DPP10: variants seen among roughly 807,000 people sequenced by gnomAD.
DPP10 encodes the protein dipeptidyl peptidase like 10, also known as inactive dipeptidyl peptidase 10.
A neutral mutation model predicts 120.9 loss-of-function variants in DPP10; 33 were observed. The observed-to-expected ratio is 0.27, with a 90% CI of 0.21 to 0.37. DPP10 has a LOEUF of 0.37. Among genes scored for constraint, DPP10 ranks in the 10% least tolerant of loss-of-function variants. The pLI is 1.00. For missense variants in DPP10, 816 were observed against 942.8 expected, an observed-to-expected ratio of 0.87 and a Z score of 1.76; for synonymous variants, 337 against 326.1, an observed-to-expected ratio of 1.03 and a Z score of -0.36.
chr2:115,330,597 G>A (rs1434919965), intron 2 of DPP10, among the ~76,000 whole-genome samples: 1 of 151,958 alleles, frequency 6.6e-6, no homozygotes, highest in South Asian at 2.1e-4. Flanking sequence ...AATCCATCTT[G>A]AATTAATTTT....
At chr2:115,363,327 A>G (rs1420031294) in intron 3 of DPP10, among the ~76,000 whole-genome samples, 1 of 152,188 alleles carries the variant, frequency 6.6e-6, no homozygotes, top group African/African-American at 2.4e-5. Context: ...ATTATATTTA[A>G]AAGATTTAAA....
intron 1 of DPP10, among the ~76,000 whole-genome samples, chr2:115,040,255 A>G (rs1200988212): frequency 6.6e-6 from 1 of 151,804 alleles, no homozygotes; most frequent in Non-Finnish European, 1.5e-5. Context: ...CAGAAAACCA[A>G]AAAAGAGTAG....
At chr2:114,830,322 A>G (rs1463484603) in intron 1 of DPP10, among the ~76,000 whole-genome samples, 1 of 151,492 alleles carries the variant, frequency 6.6e-6, no homozygotes, top group African/African-American at 2.4e-5. Flanking sequence ...TGCTTTTCCC[A>G]AATAGTCAAA....
chr2:115,485,936 T>C (rs1159626219), intron 3 of DPP10, among the ~76,000 whole-genome samples: 1 of 152,100 alleles, frequency 6.6e-6, no homozygotes, highest in Non-Finnish European at 1.5e-5. Flanking sequence ...CAATGGTGAA[T>C]TTTTAGTGTT....
intron 1 of DPP10, among the ~76,000 whole-genome samples, chr2:115,164,229 C>A (rs545147348): frequency 6.6e-6 from 1 of 151,996 alleles, no homozygotes; most frequent in African/African-American, 2.4e-5. Flanking sequence ...TCATATCTAG[C>A]ATATTTTTGT....
chr2:114,987,804 C>CTTTTTTTT lies in DPP10; in HGVS notation c.61-321430_61-321423dup, dbSNP rs59203543. On this transcript the variant is annotated intron_variant, in intron 1 of 25. Coordinates refer to ENST00000410059, the MANE Select transcript of DPP10 (RefSeq NM_020868.6). Reference sequence around the variant, plus strand: ...TATACTCCTTGAGTGTGGAGACTGTCTTTTTTTTTTTTATTTTGAGATGGA... The same window carrying CTTTTTTTT: ...TATACTCCTTGAGTGTGGAGACTGTCTTTTTTTTTTTTTTTTTTTTATTTTGAGATGGA... Among the ~76,000 whole-genome samples, 9 of 101,036 alleles carry CTTTTTTTT rather than the reference C, an allele frequency of 8.9e-5. 3 individuals are homozygous for CTTTTTTTT. Among genetic ancestry groups the CTTTTTTTT allele is most frequent in the Admixed American group, 2.7e-4 (2 of 7,308 alleles). The allele number at this position is 101,036 out of a possible 152,430, so 66.3% of individuals were successfully genotyped here. A position where few individuals can be genotyped will look rare whatever the true frequency, so the allele number is the denominator to read the frequency against.
At position 114,941,595 on chromosome 2, in the gene DPP10, T is replaced by C. The variant is rs116839591; in HGVS notation, c.61-367644T>C. On this transcript the variant is annotated intron_variant, in intron 1 of 25. Coordinates refer to ENST00000410059, the MANE Select transcript of DPP10 (RefSeq NM_020868.6). ...TGATCTCCAGTTCATTTTAAATTTT[T>C]ATATGCAGGAATAATATAGTTCAGT... Among the ~76,000 whole-genome samples the C allele has an allele frequency of 9.5e-3, 1,452 of 152,356 alleles. 27 individuals are homozygous for C. The highest frequency in any genetic ancestry group is 0.033 in the African/African-American group (1,382 of 41,576).
intron 12 of DPP10, among the ~76,000 whole-genome samples, chr2:115,766,326 G>GTGTGTGTA (rs1379218031): frequency 4.8e-4 from 24 of 50,308 alleles, no homozygotes; most frequent in East Asian, 2.6e-3. Flanking sequence ...ATATATATAT[G>GTGTGTGTA]TATATATATA....
chr2:114,700,715 GAGCT>G (rs1457837530), intron 1 of DPP10, among the ~76,000 whole-genome samples: 3 of 151,998 alleles, frequency 2.0e-5, no homozygotes, highest in African/African-American at 7.2e-5. Context: ...CTCTTCACTG[GAGCT>G]TTTCTTTATT....
chr2:115,481,237 A>G (rs2075408127), intron 3 of DPP10, among the ~76,000 whole-genome samples: 2 of 152,148 alleles, frequency 1.3e-5, no homozygotes, highest in South Asian at 4.1e-4. Flanking sequence ...CTGTGGGTCA[A>G]CTGGGTCCAT....
At chr2:114,586,864 T>C (rs991228618) in intron 1 of DPP10, among the ~76,000 whole-genome samples, 4 of 152,242 alleles carry the variant, frequency 2.6e-5, no homozygotes, top group African/African-American at 9.6e-5. Context: ...TCTCTTGCCA[T>C]GTGATCTCCA....
chr2:115,568,668 A>AT (rs1275088449), intron 5 of DPP10, among the ~76,000 whole-genome samples: 8 of 150,314 alleles, frequency 5.3e-5, no homozygotes, highest in South Asian at 2.1e-4. Context: ...ATCACTCTCA[A>AT]TTTTTTTTTC....
At chr2:115,638,584 G>A (rs553653226) in intron 5 of DPP10, among the ~76,000 whole-genome samples, 11 of 152,304 alleles carry the variant, frequency 7.2e-5, no homozygotes, top group African/African-American at 2.4e-4. Flanking sequence ...AAATAGAAAT[G>A]CCTGGAGGAT....
chr2:115,723,062 C>CT (rs1045061884), intron 7 of DPP10, among the ~76,000 whole-genome samples: 16 of 152,008 alleles, frequency 1.1e-4, no homozygotes, highest in African/African-American at 3.4e-4. Context: ...TAGAGCTCTC[C>CT]TTTTTTTGCA....
At chr2:115,190,829 C>G (rs575570148) in intron 1 of DPP10, among the ~76,000 whole-genome samples, 2 of 152,168 alleles carry the variant, frequency 1.3e-5, no homozygotes, top group African/African-American at 4.8e-5. Flanking sequence ...GTTTAGCGTG[C>G]GAACAGAATA....
chr2:115,474,221 T>A (rs1164009597), intron 3 of DPP10, among the ~76,000 whole-genome samples: 1 of 152,200 alleles, frequency 6.6e-6, no homozygotes, highest in Non-Finnish European at 1.5e-5. Context: ...CACCAAGATT[T>A]TTCTCAAGGT....
At chr2:115,698,575 C>G (rs145685882) in intron 7 of DPP10, among the ~76,000 whole-genome samples, 13 of 152,274 alleles carry the variant, frequency 8.5e-5, no homozygotes, top group African/African-American at 3.1e-4. Context: ...CTCACTCTTT[C>G]TCTTGCTCTT....
intron 3 of DPP10, among the ~76,000 whole-genome samples, chr2:115,380,108 G>T (rs577848023): frequency 6.6e-6 from 1 of 152,224 alleles, no homozygotes; most frequent in Non-Finnish European, 1.5e-5. Flanking sequence ...TGGTATCCTT[G>T]TTGACTTTCT....
intron 3 of DPP10, among the ~76,000 whole-genome samples, chr2:115,452,228 C>A (rs996793902): frequency 6.6e-6 from 1 of 151,838 alleles, no homozygotes; most frequent in Non-Finnish European, 1.5e-5. Context: ...TTGCTTAATC[C>A]TAAGAGGGCT....
Sources: gnomAD v4.1 joint callset for allele counts (sites outside exome capture counted in the v4.1 genomes callset) on GRCh38, gnomAD v4.1.1 for gene constraint, MANE v1.5 for transcripts, NCBI Gene and HGNC (gene_info 2026-07-23, HGNC 2026-07-21) for gene names.